Variants in PCDHA7 observed in about 807,000 individuals in gnomAD.
The protein encoded by PCDHA7 is protocadherin alpha 7, also known as protocadherin alpha-7.
A neutral mutation model predicts 57.2 loss-of-function variants in PCDHA7; 37 were observed. The observed-to-expected ratio is 0.65, with a 90% CI of 0.50 to 0.85. The LOEUF (loss-of-function observed/expected upper bound fraction) is 0.85. PCDHA7 is among the 40% of genes least tolerant of loss of function. The pLI is 0.00. For missense variants in PCDHA7, 1,188 were observed against 1,241.8 expected (o/e 0.96, Z 0.65); for synonymous variants, 553 against 558.8 (o/e 0.99, Z 0.15).
intron 1 of PCDHA7, chr5:140,853,614 A>G (rs1477333407): frequency 1.0e-6 from 1 of 988,026 alleles, no homozygotes; most frequent in Non-Finnish European, 1.2e-6. Flanking sequence ...GGGTGCTGTA[A>G]ATAAGTATAC....
In PCDHA7 at chr5:140,839,239, T is replaced by C. The variant is rs112328641; in HGVS notation, c.2355+2501T>C. Among the ~76,000 whole-genome samples the C allele has an allele frequency of 2.6e-3, 403 of 152,128 alleles. 5 individuals carry two copies. The highest frequency in any genetic ancestry group is 9.3e-3 in the African/African-American group (387 of 41,468). ...TGTAACTGTAATCTGTTTTTATTGCTTTGCTTTTATGCTTACATGCATGTA... is the reference window on the plus strand; with the variant it reads ...TGTAACTGTAATCTGTTTTTATTGCCTTGCTTTTATGCTTACATGCATGTA... On this transcript the variant is annotated intron_variant, in intron 1 of 3. Transcript: ENST00000525929.
At chr5:140,981,223 T>C (rs1472733562) in intron 2 of PCDHA7, among the ~76,000 whole-genome samples, 2 of 152,234 alleles carry the variant, frequency 1.3e-5, no homozygotes, top group Non-Finnish European at 2.9e-5. Context: ...CTTTAGTCAG[T>C]AGTCTAAATT....
Position 140,920,646 on chromosome 5 carries a change from C to T in PCDHA7, c.2356-58303C>T, listed in dbSNP as rs1210828369. Among the ~76,000 whole-genome samples, 4 of 152,014 alleles carry T rather than the reference C, an allele frequency of 2.6e-5. No individual in the cohort carries two copies. In the South Asian group the frequency reaches 8.3e-4, roughly 32 times the overall value. On this transcript the variant is annotated intron_variant, in intron 1 of 3. Coordinates refer to ENST00000525929, the MANE Select transcript of PCDHA7 (RefSeq NM_018910.3). ...GGATCACAAGGTCAAGAGATTGAGA[C>T]CATCCTTGCCAACATGGTGAAACCC...
At chr5:140,891,801 C>T (rs2063255606) in intron 1 of PCDHA7, among the ~76,000 whole-genome samples, 1 of 152,056 alleles carries the variant, frequency 6.6e-6, no homozygotes, top group Non-Finnish European at 1.5e-5. Context: ...AGGGATCTGC[C>T]CTCATGAATA....
intron 1 of PCDHA7, chr5:140,967,193 G>A (rs1190093681): frequency 6.2e-7 from 1 of 1,613,392 alleles, no homozygotes; most frequent in Non-Finnish European, 8.5e-7. Flanking sequence ...GGACATCAAC[G>A]ACAACTCACC....
chr5:140,889,868 G>A (rs905154258), intron 1 of PCDHA7, among the ~76,000 whole-genome samples: 2 of 152,136 alleles, frequency 1.3e-5, no homozygotes, highest in African/African-American at 4.8e-5. Context: ...TTTGGGGGAA[G>A]CCTGCCACCA....
intron 1 of PCDHA7, chr5:140,883,519 C>G: frequency 6.2e-7 from 1 of 1,614,190 alleles, no homozygotes; most frequent in South Asian, 1.1e-5. Context: ...ACCGCGAGAG[C>G]GTATCAGCCT....
At chr5:140,943,500 G>C (rs907493905) in intron 1 of PCDHA7, among the ~76,000 whole-genome samples, 1 of 152,048 alleles carries the variant, frequency 6.6e-6, no homozygotes, top group Admixed American at 6.6e-5. Context: ...TGCTATCAAG[G>C]TTCATGGAAA....
chr5:140,865,511 T>C (rs868994454), intron 1 of PCDHA7: 1 of 152,226 alleles, frequency 6.6e-6, no homozygotes, highest in African/African-American at 2.4e-5. Flanking sequence ...TCCTACTTTA[T>C]GGTGCTGGAA....
At chr5:140,928,074 C>CT in intron 1 of PCDHA7, 1 of 1,614,216 alleles carries the variant, frequency 6.2e-7, no homozygotes, top group Non-Finnish European at 8.5e-7. Context: ...TTGACAACTA[C>CT]TACAGCCTGC....
At chr5:140,897,188 A>AT (rs1353420094) in intron 1 of PCDHA7, among the ~76,000 whole-genome samples, 5 of 152,104 alleles carry the variant, frequency 3.3e-5, no homozygotes, top group African/African-American at 7.2e-5. Flanking sequence ...CAAAAAATAT[A>AT]TTTTTTTATT....
chr5:140,967,676 G>A (rs1334899934), intron 1 of PCDHA7: 3 of 1,614,104 alleles, frequency 1.9e-6, no homozygotes, highest in African/African-American at 2.7e-5. Context: ...GTCGGACCGG[G>A]AGAGGCAGCT....
chr5:140,855,938 T>G, intron 1 of PCDHA7: 1 of 1,308,620 alleles, frequency 7.6e-7, no homozygotes, highest in South Asian at 1.5e-5. Context: ...CATTCTGAGA[T>G]CTCAGCCATT....
At chr5:140,936,875 C>A (rs1052156307) in intron 1 of PCDHA7, among the ~76,000 whole-genome samples, 1 of 151,950 alleles carries the variant, frequency 6.6e-6, no homozygotes, top group South Asian at 2.1e-4. Context: ...TTTAAAAAAC[C>A]CTGCTTTGAT....
intron 1 of PCDHA7, chr5:140,857,366 G>T: frequency 6.3e-7 from 1 of 1,598,350 alleles, no homozygotes. Flanking sequence ...CACGGCCAGC[G>T]TGTCTGTGGA....
intron 1 of PCDHA7, among the ~76,000 whole-genome samples, chr5:140,841,026 C>A (rs1322339232): frequency 6.6e-6 from 1 of 151,940 alleles, no homozygotes; most frequent in African/African-American, 2.4e-5. Context: ...AATGCCTCTG[C>A]AATTGATAAA....
chr5:140,979,566 G>A (rs2096856791), intron 2 of PCDHA7, among the ~76,000 whole-genome samples: 1 of 152,194 alleles, frequency 6.6e-6, no homozygotes, highest in Non-Finnish European at 1.5e-5. Flanking sequence ...GATGAGCCAT[G>A]TAAAGGGCTC....
At chr5:140,988,579 C>T (rs1292742279) in intron 3 of PCDHA7, among the ~76,000 whole-genome samples, 2 of 152,266 alleles carry the variant, frequency 1.3e-5, no homozygotes, top group East Asian at 3.9e-4. Context: ...CACTCTGTAC[C>T]TTCCACTTTT....
At chr5:140,917,015 G>A (rs538557329) in intron 1 of PCDHA7, among the ~76,000 whole-genome samples, 1 of 152,240 alleles carries the variant, frequency 6.6e-6, no homozygotes, top group East Asian at 1.9e-4. Flanking sequence ...CTCCCTTCAT[G>A]TGCAGCTGCT....
Sources: allele counts gnomAD v4.1 joint callset (sites outside exome capture counted in the v4.1 genomes callset), GRCh38; gene constraint gnomAD v4.1.1; transcripts MANE v1.5; gene names NCBI Gene and HGNC (gene_info 2026-07-23, HGNC 2026-07-21).